Variants in PBX3 observed in about 807,000 individuals in gnomAD.
PBX3 encodes PBX homeobox 3.
Under a neutral mutation model 48.5 loss-of-function variants are expected in PBX3, and 14 were observed. The observed-to-expected ratio is 0.29, with a 90% CI of 0.19 to 0.45. The LOEUF (loss-of-function observed/expected upper bound fraction) is 0.45, where lower values mean the gene tolerates loss of function less well. Ranked by LOEUF, PBX3 falls within the 20% of genes least tolerant of loss-of-function variation. PBX3 has a pLI of 1.00. For missense variants in PBX3, 386 were observed against 546.7 expected (o/e 0.71, Z 2.93); for synonymous variants, 210 against 200.3 (o/e 1.05, Z -0.41).
chr9:125,755,225 A>G (rs186010074), intron 2 of PBX3, among the ~76,000 whole-genome samples: 55 of 152,074 alleles, frequency 3.6e-4, no homozygotes, highest in African/African-American at 1.2e-3. Context: ...TTTCAAATTC[A>G]AATTAACTAA....
At chr9:125,865,902 C>T (rs1213875192) in intron 2 of PBX3, among the ~76,000 whole-genome samples, 1 of 151,928 alleles carries the variant, frequency 6.6e-6, no homozygotes, top group African/African-American at 2.4e-5. Context: ...GGTAATGTGT[C>T]AGGACAAAGT....
At position 125,831,491 on chromosome 9, in the gene PBX3, G is replaced by A. The variant is rs552643519; in HGVS notation, c.274+82868G>A. On this transcript the variant is annotated intron_variant, in intron 2 of 8. Transcript: ENST00000373489. ...AGGCTGAGTGGTGCGATCTCGATTAGCCAGAGTGTTTTAAAAGAGCTTTAT... is the reference window on the plus strand; with the variant it reads ...AGGCTGAGTGGTGCGATCTCGATTAACCAGAGTGTTTTAAAAGAGCTTTAT... 4.0e-5 allele frequency among the ~76,000 whole-genome samples: 6 copies of A among 151,442 alleles called. 1 individual carries two copies. In the South Asian group the frequency reaches 1.0e-3, roughly 26 times the overall value.
intron 3 of PBX3, among the ~76,000 whole-genome samples, chr9:125,922,145 T>C (rs537975544): frequency 4.2e-4 from 64 of 152,288 alleles, no homozygotes; most frequent in African/African-American, 1.5e-3. Context: ...TGTACAGATA[T>C]TGAGGAGACA....
chr9:125,785,296 C>G (rs1244694122), intron 2 of PBX3, among the ~76,000 whole-genome samples: 1 of 152,178 alleles, frequency 6.6e-6, no homozygotes, highest in Non-Finnish European at 1.5e-5. Context: ...AGTCAGTGGC[C>G]TGGGAGAGGA....
chr9:125,793,366 AATATATATAT>A lies in PBX3; in HGVS notation c.274+44760_274+44769del, dbSNP rs1554855765. 7.8e-4 allele frequency among the ~76,000 whole-genome samples: 80 copies of A among 101,938 alleles called. 2 individuals are homozygous for A. Among genetic ancestry groups the A allele is most frequent in the African/African-American group, 2.9e-3 (68 of 23,694 alleles). The allele number at this position is 101,938 out of a possible 152,430, so 66.9% of individuals were successfully genotyped here. On this transcript the variant is annotated intron_variant, in intron 2 of 8. Transcript: ENST00000373489. ...GACTCCATTTGGGGGGGAAAAAAAA[AATATATATAT>A]ATATATATATATATATTTACTATTA... is the stretch of plus-strand genomic sequence containing the variant.
intron 2 of PBX3, among the ~76,000 whole-genome samples, chr9:125,867,215 T>G (rs150741595): frequency 0.026 from 3,889 of 151,792 alleles, 69 homozygotes; most frequent in Non-Finnish European, 0.039. Context: ...TCCCCGGTCC[T>G]CCCTGAAGTA....
chr9:125,849,834 T>C (rs377440926), intron 2 of PBX3, among the ~76,000 whole-genome samples: 68 of 152,148 alleles, frequency 4.5e-4, no homozygotes, highest in African/African-American at 1.6e-3. Context: ...TAAATGCTTA[T>C]ACTTAACAAT....
At chr9:125,788,976 T>C (rs1837529703) in intron 2 of PBX3, among the ~76,000 whole-genome samples, 1 of 152,226 alleles carries the variant, frequency 6.6e-6, no homozygotes, top group African/African-American at 2.4e-5. Flanking sequence ...ACCATTCTTA[T>C]TAGTGTTTAC....
rs372933188 is a variant in PBX3, at chr9:125,821,784, A to G, written c.274+73161A>G. On this transcript the variant is annotated intron_variant, in intron 2 of 8. Transcript: ENST00000373489. Reference sequence around the variant, plus strand: ...TGTCCACTATATAGTTTTAAAAAGTACAAATTATTTGTTTCAAGTTACTAT... The same window carrying G: ...TGTCCACTATATAGTTTTAAAAAGTGCAAATTATTTGTTTCAAGTTACTAT... Among the ~76,000 whole-genome samples the G allele has an allele frequency of 6.6e-5, 10 of 152,266 alleles. No individual in the cohort carries two copies. In the South Asian group the frequency reaches 1.9e-3, roughly 28 times the overall value.
chr9:125,837,913 T>A, intron 2 of PBX3, among the ~76,000 whole-genome samples: 1 of 152,202 alleles, frequency 6.6e-6, no homozygotes, highest in Non-Finnish European at 1.5e-5. Context: ...GTCTTTGTTT[T>A]GTTGGTCTTT....
intron 5 of PBX3, among the ~76,000 whole-genome samples, chr9:125,956,392 A>G (rs10987059): frequency 0.59 from 89,581 of 152,144 alleles, 29,443 homozygotes; most frequent in East Asian, 0.77. Flanking sequence ...GAAGGTAAAA[A>G]AGCTAGGTAA....
At chr9:125,858,589 T>C (rs1351373956) in intron 2 of PBX3, among the ~76,000 whole-genome samples, 1 of 151,966 alleles carries the variant, frequency 6.6e-6, no homozygotes, top group Non-Finnish European at 1.5e-5. Context: ...ATATTTCACT[T>C]TTGGGGACCC....
intron 2 of PBX3, among the ~76,000 whole-genome samples, chr9:125,893,145 A>G (rs563892374): frequency 6.6e-6 from 1 of 152,354 alleles, no homozygotes; most frequent in East Asian, 1.9e-4. Context: ...CTTGTTAACA[A>G]GCTTATTTTA....
At chr9:125,809,831 A>G (rs935321129) in intron 2 of PBX3, among the ~76,000 whole-genome samples, 2 of 152,210 alleles carry the variant, frequency 1.3e-5, no homozygotes, top group Admixed American at 6.5e-5. Flanking sequence ...ATTCCTATAA[A>G]TTATTATGAA....
intron 2 of PBX3, among the ~76,000 whole-genome samples, chr9:125,901,400 T>TTGA (rs1472707270): frequency 1.3e-5 from 2 of 151,740 alleles, no homozygotes; most frequent in Non-Finnish European, 3.0e-5. Flanking sequence ...TATTAGTTGA[T>TTGA]TGAAAATATA....
At chr9:125,885,446 G>C (rs547141497) in intron 2 of PBX3, among the ~76,000 whole-genome samples, 16 of 152,124 alleles carry the variant, frequency 1.1e-4, no homozygotes, top group African/African-American at 3.9e-4. Flanking sequence ...CTGTACTTCT[G>C]GTTCACTTTA....
At chr9:125,862,915 G>C (rs1447321904) in intron 2 of PBX3, among the ~76,000 whole-genome samples, 10 of 151,592 alleles carry the variant, frequency 6.6e-5, no homozygotes, top group Non-Finnish European at 1.5e-4. Flanking sequence ...TTTATTTTGA[G>C]ACATGGCCTC....
At chr9:125,866,325 A>AAAT (rs1415384832) in intron 2 of PBX3, among the ~76,000 whole-genome samples, 1 of 152,186 alleles carries the variant, frequency 6.6e-6, no homozygotes, top group East Asian at 1.9e-4. Flanking sequence ...AATCACAATT[A>AAAT]AATATCTGTA....
At chr9:125,965,724 A>G in intron 8 of PBX3, 107 bp from the exon 9 acceptor site, 1 of 806,740 alleles carries the variant, frequency 1.2e-6, no homozygotes, top group Non-Finnish European at 2.1e-6. Context: ...TAGAAAATAC[A>G]TTTTGCTAAT....
Sources: allele counts gnomAD v4.1 joint callset (sites outside exome capture counted in the v4.1 genomes callset), GRCh38; gene constraint gnomAD v4.1.1; transcripts MANE v1.5; gene names NCBI Gene and HGNC (gene_info 2026-07-23, HGNC 2026-07-21).